The following POU2AF2 variants were observed in gnomAD, a reference collection of about 807,000 sequenced individuals.
POU2AF2 encodes POU class 2 homeobox associating factor 2.
chr11:111,258,521 G>A, the POU2AF2 span, among the ~76,000 whole-genome samples: 6,400 of 152,226 alleles, frequency 0.042, 353 homozygotes, highest in East Asian at 0.27. Context: ...CCAAATGGCG[G>A]ACATACTTTT....
chr11:111,284,224 T>G, the POU2AF2 span: 1 of 1,614,128 alleles, frequency 6.2e-7, no homozygotes, highest in Non-Finnish European at 8.5e-7. Context: ...GGCAGAGCCA[T>G]GCGGCTCTCC....
the POU2AF2 span, among the ~76,000 whole-genome samples, chr11:111,255,772 C>T: frequency 6.6e-6 from 1 of 151,838 alleles, no homozygotes; most frequent in Non-Finnish European, 1.5e-5. Context: ...AACAGTGTTT[C>T]TGTCACTTAG....
chr11:111,248,923 C>A, the POU2AF2 span, among the ~76,000 whole-genome samples: 1 of 152,054 alleles, frequency 6.6e-6, no homozygotes, highest in Non-Finnish European at 1.5e-5. Context: ...TTTTGAAAAA[C>A]AATCTTAAGG....
At chr11:111,256,622 T>C in the POU2AF2 span, among the ~76,000 whole-genome samples, 1 of 152,240 alleles carries the variant, frequency 6.6e-6, no homozygotes, top group Non-Finnish European at 1.5e-5. Flanking sequence ...TGAAATGAGT[T>C]AGGCAAAATG....
At chr11:111,278,662 A>T in the POU2AF2 span, among the ~76,000 whole-genome samples, 1 of 152,222 alleles carries the variant, frequency 6.6e-6, no homozygotes, top group South Asian at 2.1e-4. Flanking sequence ...AACCACACCT[A>T]GATCTCAGAC....
the POU2AF2 span, among the ~76,000 whole-genome samples, chr11:111,264,948 G>A: frequency 7.4e-6 from 1 of 134,682 alleles, no homozygotes; most frequent in African/African-American, 2.7e-5. Context: ...GGGAGGGAGG[G>A]AGGGAGAGGA....
At chr11:111,264,294 G>A in the POU2AF2 span, among the ~76,000 whole-genome samples, 1 of 151,884 alleles carries the variant, frequency 6.6e-6, no homozygotes, top group Non-Finnish European at 1.5e-5. Context: ...TCAGGAGTTT[G>A]ACACCAGCCT....
At chr11:111,276,386 A>G in the POU2AF2 span, among the ~76,000 whole-genome samples, 1 of 148,746 alleles carries the variant, frequency 6.7e-6, no homozygotes, top group Non-Finnish European at 1.5e-5. Flanking sequence ...TCACAAGGTC[A>G]AGAGATTGAG....
At chr11:111,264,496 GAAAGAAAGAAAGAAAGAAAGAAAGAAA>G in the POU2AF2 span, among the ~76,000 whole-genome samples, 1 of 3,348 alleles carries the variant, frequency 3.0e-4, no homozygotes, top group Non-Finnish European at 7.3e-4. Context: ...ACTCACGAAA[GAAAGAAAGAAAGAAAGAAAGAAAGAAA>G]GAAAGAAAGA....
the POU2AF2 span, among the ~76,000 whole-genome samples, chr11:111,268,271 G>A: frequency 6.6e-6 from 1 of 151,974 alleles, no homozygotes; most frequent in Non-Finnish European, 1.5e-5. Context: ...CCAAACAGTT[G>A]GCACCACTGC....
the POU2AF2 span, among the ~76,000 whole-genome samples, chr11:111,274,286 C>CG: frequency 6.6e-6 from 1 of 152,116 alleles, no homozygotes; most frequent in South Asian, 2.1e-4. Flanking sequence ...TCCATTATCA[C>CG]TGACTTTTGT....
the POU2AF2 span, chr11:111,245,741 C>G: frequency 2.5e-6 from 1 of 398,324 alleles, no homozygotes; most frequent in African/African-American, 2.1e-5. Flanking sequence ...GGCTTTCCCA[C>G]CAGGGTCAGG....
At chr11:111,281,688 T>C in the POU2AF2 span, among the ~76,000 whole-genome samples, 14 of 152,202 alleles carry the variant, frequency 9.2e-5, no homozygotes, top group Non-Finnish European at 2.1e-4. Flanking sequence ...AATTATGCCC[T>C]TGATACAGTT....
At chr11:111,246,698 AATTGT>A in the POU2AF2 span, among the ~76,000 whole-genome samples, 4 of 152,326 alleles carry the variant, frequency 2.6e-5, no homozygotes, top group East Asian at 5.8e-4. Context: ...AAAAATAATA[AATTGT>A]ATTGTGTATA....
At chr11:111,266,273 TCTC>T in the POU2AF2 span, among the ~76,000 whole-genome samples, 5 of 152,134 alleles carry the variant, frequency 3.3e-5, no homozygotes, top group South Asian at 1.0e-3. Flanking sequence ...CATTCAGTGT[TCTC>T]CGTGTGTTTC....
chr11:111,284,968 G>A, the POU2AF2 span, among the ~76,000 whole-genome samples: 1 of 152,166 alleles, frequency 6.6e-6, no homozygotes, highest in Non-Finnish European at 1.5e-5. Context: ...CTAAAGACAG[G>A]AGTTTAGACA....
At chr11:111,280,040 CAAA>C in the POU2AF2 span, among the ~76,000 whole-genome samples, 199 of 72,572 alleles carry the variant, frequency 2.7e-3, 3 homozygotes, top group African/African-American at 8.3e-3. Flanking sequence ...GACTCCATCT[CAAA>C]AAAAAAAAAA....
the POU2AF2 span, among the ~76,000 whole-genome samples, chr11:111,274,729 A>G: frequency 6.6e-6 from 1 of 151,690 alleles, no homozygotes; most frequent in Admixed American, 6.6e-5. Context: ...CTAAGTCTCC[A>G]TTATACTAAA....
the POU2AF2 span, among the ~76,000 whole-genome samples, chr11:111,268,477 T>TTTTTA: frequency 0.026 from 2,007 of 77,156 alleles, 109 homozygotes; most frequent in East Asian, 0.29. Context: ...CATTTTTCTT[T>TTTTTA]TTTTATTTTA....
Sources: gnomAD v4.1 joint callset for allele counts (sites outside exome capture counted in the v4.1 genomes callset) on GRCh38, gnomAD v4.1.1 for gene constraint, MANE v1.5 for transcripts, NCBI Gene and HGNC (gene_info 2026-07-23, HGNC 2026-07-21) for gene names.